The following MYOM3 variants were observed in gnomAD, a reference collection of about 807,000 sequenced individuals.
The protein encoded by MYOM3 is myomesin-3.
A neutral mutation model predicts 191.7 loss-of-function variants in MYOM3; 155 were observed. The observed-to-expected ratio is 0.81, with a 90% confidence interval of 0.71 to 0.92. MYOM3 has a LOEUF of 0.92. MYOM3 is among the 40% of genes least tolerant of loss of function. The probability of loss-of-function intolerance (pLI) is 0.00; values close to 1 mark genes in which losing one functional copy is unlikely to be tolerated. For synonymous variants in MYOM3, 757 were observed against 762.9 expected (o/e 0.99, Z 0.13); for missense variants, 1,889 against 1,890.6 (o/e 1.00, Z 0.02).
chr1:24,070,477 A>G (rs4233047), intron 25 of MYOM3, among the ~76,000 whole-genome samples: 50,542 of 151,810 alleles, frequency 0.33, 9,811 homozygotes, highest in East Asian at 0.44. Context: ...GGTCCCAACT[A>G]CTCGGGAGGC....
chr1:24,064,070 A>G lies in MYOM3; in HGVS notation c.3622+2T>C, dbSNP rs753929352. ...AGCCCCTGACCCATCGCCAGCTCCT[A>G]CCGTCACCCGTGAGGTCCAATATGG... On this transcript the variant is annotated splice_donor_variant, in intron 30 of 36. Coordinates refer to ENST00000374434, the MANE Select transcript of MYOM3 (RefSeq NM_152372.4). LOFTEE classifies it high-confidence loss of function. The G allele has an allele frequency of 5.6e-6, 9 of 1,613,060 alleles. No individual in the cohort carries two copies. The African/African-American group carries it at 8.0e-5, about 14-fold the overall frequency.
Position 24,096,151 on chromosome 1 carries a change from G to A in MYOM3, c.746-665C>T, listed in dbSNP as rs1015498441. Among the ~76,000 whole-genome samples, 3 of 152,264 alleles carry A rather than the reference G, an allele frequency of 2.0e-5. No homozygotes were observed. The Middle Eastern group carries it at 0.01, about 518-fold the overall frequency. On this transcript the variant is annotated intron_variant, in intron 7 of 36. Coordinates refer to ENST00000374434, the MANE Select transcript of MYOM3 (RefSeq NM_152372.4). ...CAGCCTGAAGCTATGACATGACACT[G>A]GTCCCTGGAAAGGCCCTTCCTGAGC...
chr1:24,062,119 A>T lies in MYOM3; in HGVS notation c.3771-10T>A, dbSNP rs770751104. On this transcript the variant is annotated splice_polypyrimidine_tract_variant and intron_variant, in intron 32 of 36. Coordinates refer to ENST00000374434, the MANE Select transcript of MYOM3 (RefSeq NM_152372.4). ...CTCCAGACGTTTGTCTCTGAATGTG[A>T]GGGTGGAGAAATGGTTAAGGCTGCC... is the stretch of plus-strand genomic sequence containing the variant. 5.6e-6 allele frequency: 9 copies of T among 1,613,488 alleles called. No homozygotes were observed. The highest frequency in any genetic ancestry group is 6.8e-6 in the Non-Finnish European group (8 of 1,179,802).
At chr1:24,068,475 C>T in intron 25 of MYOM3, 108 bp from the exon 26 acceptor site, 1 of 1,346,052 alleles carries the variant, frequency 7.4e-7, no homozygotes, top group Non-Finnish European at 1.0e-6. Flanking sequence ...AGCTGTCAGC[C>T]TTCAGAGACT....
rs149509091 is a variant in MYOM3, at chr1:24,096,252, C to T, written c.746-766G>A. Among the ~76,000 whole-genome samples the T allele has an allele frequency of 7.9e-5, 12 of 152,282 alleles. No individual in the cohort carries two copies. In the East Asian group the frequency reaches 2.3e-3, roughly 29 times the overall value. ...AGAGTCAGGATTGGAACTCAGGGCT[C>T]CTGTCCCCCAGGCCACTAAAATCAC... On this transcript the variant is annotated intron_variant, in intron 7 of 36. Coordinates refer to ENST00000374434, the MANE Select transcript of MYOM3 (RefSeq NM_152372.4).
At chr1:24,096,204 C>T (rs754593366) in intron 7 of MYOM3, among the ~76,000 whole-genome samples, 2 of 151,998 alleles carry the variant, frequency 1.3e-5, no homozygotes, top group Non-Finnish European at 2.9e-5. Flanking sequence ...AGGAGGCTGC[C>T]CGAGATCACA....
Position 24,086,817 on chromosome 1 carries a change from C to T in MYOM3, c.1625G>A (p.Gly542Asp), listed in dbSNP as rs1228959750. 5 of 1,613,842 alleles carry T rather than the reference C, an allele frequency of 3.1e-6. No homozygotes were observed. Among genetic ancestry groups the T allele is most frequent in the East Asian group, 2.2e-5 (1 of 44,888 alleles). ...GCTGATGGCCTCCCAGGTGCCACTA[C>T]CTATGACTGACTGAAGAAACAGAGG... is the stretch of plus-strand genomic sequence containing the variant. ...LTYSLEKSVI[G>D]SGTWEAISSE... The change falls in exon 15 of 37, where the codon GGT becomes GAT. Residue 542 changes from glycine to aspartate, a missense_variant. Gly to Asp is a moderately conservative substitution (Grantham distance 94, BLOSUM62 -1). Coordinates refer to ENST00000374434, the MANE Select transcript of MYOM3 (RefSeq NM_152372.4).
chr1:24,057,958 C>A (rs535724658), intron 36 of MYOM3, among the ~76,000 whole-genome samples: 49 of 152,236 alleles, frequency 3.2e-4, no homozygotes, highest in African/African-American at 1.0e-3. Context: ...AGGTGCCCGC[C>A]ACCAAGCCCG....
At chr1:24,057,706 G>A (rs1162293675) in intron 36 of MYOM3, 79 bp from the exon 37 acceptor site, 1 of 1,315,104 alleles carries the variant, frequency 7.6e-7, no homozygotes, top group African/African-American at 1.5e-5. Context: ...CCCCCAGAGA[G>A]CTCCCAGCTC....
chr1:24,063,096 G>T lies in MYOM3; in HGVS notation c.3770+30C>A. The T allele has an allele frequency of 6.7e-7, 1 of 1,496,484 alleles. No individual in the cohort carries two copies. Among genetic ancestry groups the T allele is most frequent in the Non-Finnish European group, 9.3e-7 (1 of 1,074,304 alleles). The allele number at this position is 1,496,484 out of a possible 1,614,324, so 92.7% of individuals were successfully genotyped here. On this transcript the variant is annotated intron_variant, in intron 32 of 36. Transcript: ENST00000374434. This position sits in a 1 kb window ranked among gnomAD's most constrained non-coding sequence, Gnocchi z 4.5. ...TCAGGTGCTGAATCCTTTCCAGCCT[G>T]GCTGGGGTTCTGGGGCAAGGCGGAC...
In MYOM3 at chr1:24,065,970, T is replaced by G. The variant is rs771041148; in HGVS notation, c.3455A>C (p.Gln1152Pro). ...CATCTCTGCCCTCTGGAAGAACCAC[T>G]GAAAGCGAGTCTCCTTCTTGGTGTT... ...VTNTKKETRF[Q>P]WFFQRAEMPD... The change falls in exon 29 of 37, where the codon CAG (glutamine) becomes CCG (proline). Residue 1152 changes from glutamine (Q) to proline (P), a missense_variant. Physicochemically the swap from Gln to Pro is moderately conservative, Grantham distance 76 (BLOSUM62 -1). Coordinates refer to ENST00000374434, the MANE Select transcript of MYOM3 (RefSeq NM_152372.4). The G allele has an allele frequency of 1.2e-6, 2 of 1,614,068 alleles. No individual in the cohort carries two copies. The highest frequency in any genetic ancestry group is 1.7e-6 in the Non-Finnish European group (2 of 1,179,894).
intron 12 of MYOM3, 29 bp downstream of exon 12, chr1:24,090,768 A>T (rs560577646): frequency 6.2e-7 from 1 of 1,610,144 alleles, no homozygotes; most frequent in East Asian, 2.2e-5. Context: ...CTGATGTTCT[A>T]GAAAGTCGCT....
intron 16 of MYOM3, 45 bp from the exon 17 acceptor site, chr1:24,082,759 G>A (rs778130720): frequency 6.6e-7 from 1 of 1,524,074 alleles, no homozygotes; most frequent in East Asian, 2.4e-5. Context: ...AAACAGCCTG[G>A]AGACATTCCC....
At position 24,080,126 on chromosome 1, in the gene MYOM3, G is replaced by A. The variant is rs1557607939; in HGVS notation, c.2476C>T (p.Leu826=). Residue 826 remains leucine, a synonymous_variant, in exon 20 of 37, where the codon CTG becomes TTG. Coordinates refer to ENST00000374434, the MANE Select transcript of MYOM3 (RefSeq NM_152372.4). The stretch of plus-strand genomic sequence containing the variant: ...GTGACAGGCCCAGCCCCCATATACA[G>A]TGGGGGTTCCCACTGCAGCACCAGG... ...TSLVLQWEPP[L]YMGAGPVTGY... 5 of 1,613,670 alleles carry A rather than the reference G, an allele frequency of 3.1e-6. No homozygotes were observed. The highest frequency in any genetic ancestry group is 4.2e-6 in the Non-Finnish European group (5 of 1,179,714).
intron 5 of MYOM3, among the ~76,000 whole-genome samples, chr1:24,104,382 C>T (rs1029584793): frequency 6.6e-6 from 1 of 152,190 alleles, no homozygotes; most frequent in African/African-American, 2.4e-5. Context: ...ACTCTTTGAT[C>T]TCAAATATCA....
chr1:24,061,225 C>A (rs768368580), intron 34 of MYOM3, 48 bp downstream of exon 34: 1 of 1,612,606 alleles, frequency 6.2e-7, no homozygotes, highest in Non-Finnish European at 8.5e-7. Flanking sequence ...TTATGCCACA[C>A]CCTGAAGGGG....
intron 12 of MYOM3, among the ~76,000 whole-genome samples, chr1:24,090,567 C>T (rs1434231912): frequency 6.6e-6 from 1 of 152,166 alleles, no homozygotes; most frequent in Admixed American, 6.5e-5. Flanking sequence ...CTGTATCTTC[C>T]TTCTCAGGCT....
chr1:24,111,648 G>A lies in MYOM3; in HGVS notation c.-19+383C>T, dbSNP rs1380896370. Among the ~76,000 whole-genome samples the A allele has an allele frequency of 3.3e-5, 5 of 152,076 alleles. No homozygotes were observed. The highest frequency in any genetic ancestry group is 2.1e-4 in the South Asian group (1 of 4,820). ...GGCCAAGCCGGGCTCAGCCAGCTCC[G>A]CTCTAAGTTCGTGGAACTTGCCAGC... On this transcript the variant is annotated intron_variant, in intron 1 of 36. Transcript: ENST00000374434. The surrounding 1 kb of genome is among the most constrained non-coding windows in gnomAD (Gnocchi z 4.7).
At position 24,084,692 on chromosome 1, in the gene MYOM3, C is replaced by T. The variant is rs1436817115; in HGVS notation, c.1799-53G>A. 3 of 1,523,754 alleles carry T rather than the reference C, an allele frequency of 2.0e-6. No individual in the cohort carries two copies. In the African/African-American group the frequency reaches 4.1e-5, roughly 21 times the overall value. The allele number at this position is 1,523,754 out of a possible 1,614,324, so 94.4% of individuals were successfully genotyped here. A position where few individuals can be genotyped will look rare whatever the true frequency, so the allele number is the denominator to read the frequency against. On this transcript the variant is annotated intron_variant, in intron 15 of 36. Coordinates refer to ENST00000374434, the MANE Select transcript of MYOM3 (RefSeq NM_152372.4). ...AGAAGGCTGAGTTACATGGGTCTGA[C>T]AGGCTGGGGAAGGGGAGGAGCATGG...
Sources: allele counts gnomAD v4.1 joint callset (sites outside exome capture counted in the v4.1 genomes callset), GRCh38; gene constraint gnomAD v4.1.1; non-coding constraint Gnocchi (gnomAD v3.1); transcripts MANE v1.5; gene names NCBI Gene and HGNC (gene_info 2026-07-23, HGNC 2026-07-21).